The following SLC12A2 variants were observed in gnomAD, a reference collection of about 807,000 sequenced individuals.
The protein encoded by SLC12A2 is Na-K-2Cl cotransporter 1.
In SLC12A2, 67 loss-of-function variants were observed where a neutral mutation model predicts 136.3. The observed-to-expected ratio is 0.49, with a 90% CI of 0.40 to 0.60. SLC12A2 has a LOEUF of 0.60. Ranked by LOEUF, SLC12A2 falls within the 20% of genes least tolerant of loss-of-function variation. The pLI, the probability that SLC12A2 is intolerant of heterozygous loss-of-function variation, is 0.00. For missense variants in SLC12A2, 1,322 were observed against 1,534.7 expected (o/e 0.86, Z 2.32); for synonymous variants, 619 against 562.9 (o/e 1.10, Z -1.41).
rs1759928715 is a variant in SLC12A2 at position 128,084,004 on chromosome 5, G to T, written c.50G>T (p.Gly17Val). ...APSSGAPGLA[G>V]VGETPSAAAL... ...TCCTCCGGCGCCCCGGGACTGGCCG[G>T]GGTCGGGGAGACGCCGTCAGCCGCT... is the stretch of plus-strand genomic sequence containing the variant. Residue 17 changes from glycine to valine, a missense_variant, in exon 1 of 27, where the codon GGG becomes GTG. By Grantham distance (109) the Gly-to-Val change is moderately radical. Coordinates refer to ENST00000262461, the MANE Select transcript of SLC12A2 (RefSeq NM_001046.3). The surrounding 1 kb of genome is among the most constrained non-coding windows in gnomAD (Gnocchi z 5.6). 4.0e-6 allele frequency: 5 copies of T among 1,253,704 alleles called. No individual in the cohort carries two copies. In the South Asian group the frequency reaches 9.2e-5, roughly 23 times the overall value. The allele number at this position is 1,253,704 out of a possible 1,614,324, so 77.7% of individuals were successfully genotyped here.
intron 4 of SLC12A2, among the ~76,000 whole-genome samples, chr5:128,119,828 C>T (rs951702292): frequency 3.3e-5 from 5 of 152,274 alleles, no homozygotes; most frequent in Admixed American, 2.6e-4. Context: ...ACACCAAAAG[C>T]AATGACAACA....
intron 4 of SLC12A2, among the ~76,000 whole-genome samples, chr5:128,127,339 T>G (rs1389273667): frequency 6.6e-6 from 1 of 151,926 alleles, no homozygotes; most frequent in Non-Finnish European, 1.5e-5. Flanking sequence ...GCCAGGATGG[T>G]CTCCATCTCC....
At chr5:128,120,276 T>C (rs1761506256) in intron 4 of SLC12A2, among the ~76,000 whole-genome samples, 1 of 147,500 alleles carries the variant, frequency 6.8e-6, no homozygotes, top group South Asian at 2.1e-4. Context: ...GTAAACTAGT[T>C]CAACCATTGT....
chr5:128,088,005 C>CTGTGTGTGTGTGTGTG (rs1561648714), intron 1 of SLC12A2, among the ~76,000 whole-genome samples: 1 of 44,184 alleles, frequency 2.3e-5, no homozygotes, highest in African/African-American at 8.5e-5. Context: ...GTGGAGGAGG[C>CTGTGTGTGTGTGTGTG]TCTGTGTGTG....
At chr5:128,131,242 A>ATC (rs749237177) in intron 5 of SLC12A2, 36 bp downstream of exon 5, 2 of 1,604,548 alleles carry the variant, frequency 1.2e-6, no homozygotes, top group Non-Finnish European at 1.7e-6. Flanking sequence ...CGTTTACCAA[A>ATC]TCTTTATTGA....
At chr5:128,139,997 G>T (rs1762309408) in intron 9 of SLC12A2, among the ~76,000 whole-genome samples, 1 of 151,918 alleles carries the variant, frequency 6.6e-6, no homozygotes, top group East Asian at 1.9e-4. Context: ...GTTTGTTTTT[G>T]TTTTTGTTTT....
At chr5:128,128,078 G>A (rs1214607842) in intron 4 of SLC12A2, among the ~76,000 whole-genome samples, 1 of 151,984 alleles carries the variant, frequency 6.6e-6, no homozygotes, top group East Asian at 1.9e-4. Context: ...AATTTCGCTT[G>A]TGATTTATTT....
intron 15 of SLC12A2, among the ~76,000 whole-genome samples, chr5:128,157,722 CAG>C (rs1174761979): frequency 2.6e-5 from 4 of 152,058 alleles, no homozygotes; most frequent in Non-Finnish European, 5.9e-5. Flanking sequence ...GAATTATTAA[CAG>C]AATATTTATT....
At chr5:128,162,494 T>G (rs1229882471) in intron 17 of SLC12A2, among the ~76,000 whole-genome samples, 1 of 152,010 alleles carries the variant, frequency 6.6e-6, no homozygotes, top group African/African-American at 2.4e-5. Flanking sequence ...TTAGAAAAAA[T>G]TCTAAAACAA....
intron 15 of SLC12A2, among the ~76,000 whole-genome samples, chr5:128,156,562 A>G (rs1019278998): frequency 3.3e-5 from 5 of 152,216 alleles, no homozygotes; most frequent in Admixed American, 6.5e-5. Context: ...ATTTCTCACA[A>G]TAACGGGTTC....
intron 19 of SLC12A2, among the ~76,000 whole-genome samples, chr5:128,172,134 A>G (rs1447591536): frequency 6.6e-6 from 1 of 152,228 alleles, no homozygotes. Flanking sequence ...ACAGAGTCAT[A>G]TTGATAGAAG....
At chr5:128,145,069 G>A (rs949523164) in intron 10 of SLC12A2, among the ~76,000 whole-genome samples, 1 of 151,986 alleles carries the variant, frequency 6.6e-6, no homozygotes, top group African/African-American at 2.4e-5. Flanking sequence ...GAGGTTACTG[G>A]ATAACTGTTC....
chr5:128,163,197 G>A (rs1053444934), intron 17 of SLC12A2, among the ~76,000 whole-genome samples: 2 of 152,128 alleles, frequency 1.3e-5, no homozygotes, highest in African/African-American at 4.8e-5. Context: ...TCTTAGGTGT[G>A]CATCTCACAG....
Position 128,158,207 on chromosome 5 carries a change from GTTTTA to G in SLC12A2, c.2475+49_2475+53del, listed in dbSNP as rs1471627519. ...TTTCTTTTTCAAGTTTTTTTTTAAA[GTTTTA>G]TTTTAGGTTCAGGAATACATGTGCA... On this transcript the variant is annotated intron_variant, in intron 16 of 26. Coordinates refer to ENST00000262461, the MANE Select transcript of SLC12A2 (RefSeq NM_001046.3). 5 of 1,459,534 alleles carry G rather than the reference GTTTTA, an allele frequency of 3.4e-6. No individual in the cohort carries two copies. In the African/African-American group the frequency reaches 4.3e-5, roughly 12 times the overall value. The allele number at this position is 1,459,534 out of a possible 1,614,324, so 90.4% of individuals were successfully genotyped here. A position where few individuals can be genotyped will look rare whatever the true frequency, so the allele number is the denominator to read the frequency against.
intron 24 of SLC12A2, among the ~76,000 whole-genome samples, chr5:128,184,009 C>G (rs186826556): frequency 6.6e-6 from 1 of 151,710 alleles, no homozygotes; most frequent in Non-Finnish European, 1.5e-5. Flanking sequence ...TTCATTATAC[C>G]TGCTGGTTTA....
intron 17 of SLC12A2, among the ~76,000 whole-genome samples, chr5:128,166,682 G>T (rs1446951643): frequency 6.6e-6 from 1 of 151,924 alleles, no homozygotes; most frequent in Non-Finnish European, 1.5e-5. Flanking sequence ...ATTATTAAGG[G>T]TTATAGAATT....
chr5:128,129,497 G>T (rs536604980), intron 4 of SLC12A2, among the ~76,000 whole-genome samples: 2 of 151,368 alleles, frequency 1.3e-5, no homozygotes, highest in Admixed American at 6.6e-5. Context: ...TCATTTTCAG[G>T]ATCATGAAAA....
rs140765774 is a variant in SLC12A2 at position 128,089,648 on chromosome 5, A to G, written c.756+4938A>G. Among the ~76,000 whole-genome samples the G allele has an allele frequency of 3.9e-3, 595 of 152,316 alleles. 4 individuals are homozygous for G. Among genetic ancestry groups the G allele is most frequent in the African/African-American group, 0.014 (572 of 41,562 alleles). Reference sequence around the variant, plus strand: ...GAGATGTGATGATGTAAATATTATTATGACTTCTTCACTAGCATCTGTATA... The same window carrying G: ...GAGATGTGATGATGTAAATATTATTGTGACTTCTTCACTAGCATCTGTATA... On this transcript the variant is annotated intron_variant, in intron 1 of 26. Transcript: ENST00000262461.
intron 1 of SLC12A2, among the ~76,000 whole-genome samples, chr5:128,087,330 C>G (rs953590083): frequency 3.9e-5 from 6 of 152,196 alleles, no homozygotes; most frequent in African/African-American, 1.4e-4. Context: ...AAACCAGTTA[C>G]TGCTTCTGCC....
Sources: gnomAD v4.1 joint callset for allele counts (sites outside exome capture counted in the v4.1 genomes callset) on GRCh38, gnomAD v4.1.1 for gene constraint, Gnocchi (gnomAD v3.1) non-coding constraint, MANE v1.5 for transcripts, NCBI Gene and HGNC (gene_info 2026-07-23, HGNC 2026-07-21) for gene names.